The following EPB41 variants were observed in gnomAD, a reference collection of about 807,000 sequenced individuals.
The protein encoded by EPB41 is protein 4.1.
EPB41 carries 65 observed loss-of-function variants against 108.0 expected under a neutral mutation model. The observed-to-expected ratio is 0.60, with a 90% CI of 0.49 to 0.74. The LOEUF is 0.74. Among genes scored for constraint, EPB41 ranks in the 30% least tolerant of loss-of-function variants. EPB41 has a pLI of 0.00. For missense variants in EPB41, 875 were observed against 1,037.0 expected, an observed-to-expected ratio of 0.84 and a Z score of 2.15; for synonymous variants, 336 against 358.9, an observed-to-expected ratio of 0.94 and a Z score of 0.72.
intron 1 of EPB41, among the ~76,000 whole-genome samples, chr1:28,971,091 G>T (rs1023821891): frequency 2.6e-5 from 4 of 150,956 alleles, no homozygotes; most frequent in South Asian, 2.1e-4. Context: ...CATGTGATCT[G>T]CCTGCCTTGG....
chr1:28,917,501 G>A (rs372995181), intron 1 of EPB41, among the ~76,000 whole-genome samples: 59 of 152,008 alleles, frequency 3.9e-4, no homozygotes, highest in African/African-American at 1.4e-3. Flanking sequence ...GTATGGTCTC[G>A]ATTTCTTGAC....
At chr1:29,001,217 CTA>C (rs576847681) in intron 4 of EPB41, among the ~76,000 whole-genome samples, 130 of 152,296 alleles carry the variant, frequency 8.5e-4, no homozygotes, top group South Asian at 1.9e-3. Context: ...GTAATCCCAG[CTA>C]TGCGGGAGGC....
chr1:29,069,064 C>T, intron 16 of EPB41: 1 of 885,532 alleles, frequency 1.1e-6, no homozygotes, highest in Non-Finnish European at 1.5e-6. Flanking sequence ...TAATTATACC[C>T]TATTCTTTTT....
chr1:28,948,505 CAAA>C lies in EPB41; in HGVS notation c.-8+33754_-8+33756del, dbSNP rs34508731. ...GCCTGGGCGACAGGAGACTCCGTATCAAAAAAAAAAAAAAAAAAAGAAAGAAAG... is the reference window on the plus strand; with the variant it reads ...GCCTGGGCGACAGGAGACTCCGTATCAAAAAAAAAAAAAAAAGAAAGAAAG... On this transcript the variant is annotated intron_variant, in intron 1 of 20. Transcript: ENST00000343067. 2.1e-4 allele frequency among the ~76,000 whole-genome samples: 19 copies of C among 90,966 alleles called. No homozygotes were observed. The East Asian group carries it at 4.1e-3, about 19-fold the overall frequency. 59.7% of individuals were successfully genotyped at this position (90,966 alleles called of 152,430 possible).
Position 28,981,967 on chromosome 1 carries a change from C to T in EPB41, c.-7-5464C>T, listed in dbSNP as rs566841196. On this transcript the variant is annotated intron_variant, in intron 1 of 20. Coordinates refer to ENST00000343067, the MANE Select transcript of EPB41 (RefSeq NM_001376013.1). The stretch of plus-strand genomic sequence containing the variant: ...TGTGCAGGTTTGTTACATATGTATA[C>T]GTGTGCCATGTTGGTGTGCTGCACC... 9.3e-5 allele frequency among the ~76,000 whole-genome samples: 14 copies of T among 151,202 alleles called. No individual in the cohort carries two copies. The South Asian group carries it at 2.7e-3, about 29-fold the overall frequency.
At chr1:28,895,507 T>C (rs2090571824) in intron 1 of EPB41, among the ~76,000 whole-genome samples, 1 of 151,960 alleles carries the variant, frequency 6.6e-6, no homozygotes, top group African/African-American at 2.4e-5. Context: ...TTATTTTTTT[T>C]TGGATGGAGT....
intron 11 of EPB41, among the ~76,000 whole-genome samples, chr1:29,043,806 C>T (rs570551595): frequency 1.8e-4 from 27 of 152,240 alleles, no homozygotes; most frequent in East Asian, 3.9e-4. Context: ...AAAAGCAGGG[C>T]GAAGGCTGTT....
Position 29,011,861 on chromosome 1 carries a change from A to G in EPB41, c.787-4A>G. 6.2e-7 allele frequency: 1 copy of G among 1,613,998 alleles called. No homozygotes were observed. Among genetic ancestry groups the G allele is most frequent in the Non-Finnish European group, 8.5e-7 (1 of 1,179,932 alleles). On this transcript the variant is annotated splice_polypyrimidine_tract_variant and splice_region_variant and intron_variant, in intron 4 of 20. Transcript: ENST00000343067. ...TGTGTGAATGCCTTTTCTCCTTTTT[A>G]CAGACATGGCTGGATTCCGCCAAAG...
rs187902741 is a variant in EPB41 at position 28,929,813 on chromosome 1, C to T, written c.-8+15045C>T. On this transcript the variant is annotated intron_variant, in intron 1 of 20. Transcript: ENST00000343067. ...CCTCCCAAAGTGCTGGGATTACAGG[C>T]GTGAGCCACCGCGCCTGGCACTGGG... Among the ~76,000 whole-genome samples, 576 of 145,186 alleles carry T rather than the reference C, an allele frequency of 4.0e-3. 7 individuals are homozygous for T. The highest frequency in any genetic ancestry group is 0.013 in the African/African-American group (533 of 39,666).
At chr1:28,951,223 T>C (rs2094705676) in intron 1 of EPB41, among the ~76,000 whole-genome samples, 1 of 152,110 alleles carries the variant, frequency 6.6e-6, no homozygotes, top group South Asian at 2.1e-4. Flanking sequence ...TTTTTAATTA[T>C]TGAGAAAATA....
intron 11 of EPB41, among the ~76,000 whole-genome samples, chr1:29,043,998 A>G (rs1176340763): frequency 6.6e-6 from 1 of 152,204 alleles, no homozygotes; most frequent in African/African-American, 2.4e-5. Context: ...AAAATCTGGG[A>G]GAGTAGCAGA....
At chr1:28,965,667 A>G (rs1031051361) in intron 1 of EPB41, among the ~76,000 whole-genome samples, 1 of 152,108 alleles carries the variant, frequency 6.6e-6, no homozygotes, top group Non-Finnish European at 1.5e-5. Context: ...CTGGACTCAG[A>G]TTCCTGGGAG....
intron 1 of EPB41, among the ~76,000 whole-genome samples, chr1:28,983,153 A>T (rs569308048): frequency 2.0e-5 from 3 of 152,352 alleles, no homozygotes; most frequent in African/African-American, 7.2e-5. Flanking sequence ...GCCATACTCT[A>T]TGTTTAAAGA....
rs1437286255 is a variant in EPB41 at position 29,097,864 on chromosome 1, A to G, written c.2242A>G (p.Ser748Gly). The change falls in exon 17 of 21, where the codon AGT becomes GGT. Residue 748 changes from serine (S) to glycine (G), a missense_variant. Around this residue, in one of 3 missense-constraint regions of EPB41, gnomAD observed 519 missense variants for 627.3 expected, o/e 0.83. Transcript: ENST00000343067. ...TISDNANAVK[S>G]EIPTKDVPIV... ...CTCAGATAATGCCAATGCTGTGAAA[A>G]GTGAAATCCCAACCAAAGACGTCCC... The G allele has an allele frequency of 6.2e-7, 1 of 1,614,050 alleles. No homozygotes were observed. Among genetic ancestry groups the G allele is most frequent in the Admixed American group, 1.7e-5 (1 of 60,022 alleles).
chr1:29,111,481 G>A (rs751907658), intron 18 of EPB41, among the ~76,000 whole-genome samples: 8 of 151,386 alleles, frequency 5.3e-5, no homozygotes, highest in African/African-American at 9.7e-5. Context: ...AAAAAACCCC[G>A]TCTCTACTAA....
chr1:28,904,011 C>T (rs1278392764), intron 1 of EPB41, among the ~76,000 whole-genome samples: 3 of 151,970 alleles, frequency 2.0e-5, no homozygotes, highest in Non-Finnish European at 4.4e-5. Flanking sequence ...GGATTACAGG[C>T]ACCCACCACT....
In EPB41 at chr1:29,012,448, C is replaced by G. The variant is rs550567235; in HGVS notation, c.829+541C>G. On this transcript the variant is annotated intron_variant, in intron 5 of 20. Transcript: ENST00000343067. The stretch of plus-strand genomic sequence containing the variant: ...AAGACAAGAATTGCTTGCCACTGAC[C>G]CTTCTGACATTGTGGCTTTGCTCCT... 3.3e-5 allele frequency among the ~76,000 whole-genome samples: 5 copies of G among 152,238 alleles called. No homozygotes were observed. The East Asian group carries it at 9.6e-4, about 29-fold the overall frequency.
intron 2 of EPB41, among the ~76,000 whole-genome samples, chr1:28,992,024 A>ATT (rs1057321838): frequency 6.6e-6 from 1 of 152,184 alleles, no homozygotes; most frequent in Non-Finnish European, 1.5e-5. Context: ...TGTGGACTTT[A>ATT]ATAGAGAAGA....
In EPB41 at chr1:28,887,598, C is replaced by T. The variant is rs2089571510; in HGVS notation, c.-8+388C>T. 1.3e-5 allele frequency: 13 copies of T among 985,170 alleles called. No individual in the cohort carries two copies. In the South Asian group the frequency reaches 3.8e-4, roughly 28 times the overall value. 61.0% of individuals were successfully genotyped at this position (985,170 alleles called of 1,614,324 possible). ...CCTAGCCCCGCCTTGCCCGGCCCCG[C>T]ATGCTCCTGCCGGGCCCGCAGCAGC... On this transcript the variant is annotated intron_variant, in intron 1 of 16. Transcript: ENST00000347529. The surrounding 1 kb of genome is among the most constrained non-coding windows in gnomAD (Gnocchi z 4.9).
Sources: allele counts gnomAD v4.1 joint callset (sites outside exome capture counted in the v4.1 genomes callset), GRCh38; gene constraint gnomAD v4.1.1; regional missense constraint gnomAD v4.1.1; non-coding constraint Gnocchi (gnomAD v3.1); transcripts MANE v1.5; gene names NCBI Gene and HGNC (gene_info 2026-07-23, HGNC 2026-07-21).